The following TULP4 variants were observed in gnomAD, a reference collection of about 807,000 sequenced individuals.
TULP4 encodes TUB like protein 4, also known as tubby-related protein 4.
Under a neutral mutation model 129.0 loss-of-function variants are expected in TULP4, and 16 were observed. That is an observed-to-expected ratio of 0.12 (90% confidence interval 0.08 to 0.19). The LOEUF (loss-of-function observed/expected upper bound fraction) is 0.19, where lower values mean the gene tolerates loss of function less well. Ranked by LOEUF, TULP4 falls within the 10% of genes least tolerant of loss-of-function variation. The pLI is 1.00. For missense variants in TULP4, 1,842 were observed against 2,059.1 expected, an observed-to-expected ratio of 0.89 and a Z score of 2.04; for synonymous variants, 998 against 854.0, an observed-to-expected ratio of 1.17 and a Z score of -2.94.
intron 4 of TULP4, among the ~76,000 whole-genome samples, chr6:158,450,719 A>G (rs556474923): frequency 6.6e-6 from 1 of 151,270 alleles, no homozygotes; most frequent in South Asian, 2.1e-4. Flanking sequence ...TTAGTGGGTC[A>G]AATCTAGATT....
chr6:158,278,110 A>G (rs1772485564), upstream of TULP4, among the ~76,000 whole-genome samples: 1 of 152,348 alleles, frequency 6.6e-6, no homozygotes, highest in South Asian at 2.1e-4. Flanking sequence ...TAGGCACGGA[A>G]TAACTGGGCT....
intron 1 of TULP4, among the ~76,000 whole-genome samples, chr6:158,365,899 C>CTTTTTTTTTTTTTTTTTTTTTTTT (rs5881257): frequency 2.8e-4 from 16 of 57,556 alleles, no homozygotes; most frequent in Non-Finnish European, 3.2e-4. Flanking sequence ...CTTTTTCTTT[C>CTTTTTTTTTTTTTTTTTTTTTTTT]TTTTTTTTTT....
At chr6:158,381,836 G>A (rs942211082) in intron 1 of TULP4, among the ~76,000 whole-genome samples, 2 of 152,164 alleles carry the variant, frequency 1.3e-5, no homozygotes, top group Non-Finnish European at 2.9e-5. Context: ...TCAGGTAAAT[G>A]AATTTTCTCT....
intron 1 of TULP4, among the ~76,000 whole-genome samples, chr6:158,345,114 C>T (rs1754408): frequency 0.86 from 131,057 of 152,230 alleles, 56,849 homozygotes; most frequent in South Asian, 0.93. Flanking sequence ...GAGGAAACTG[C>T]AGAAGAAAAG....
intron 1 of TULP4, among the ~76,000 whole-genome samples, chr6:158,389,485 T>G (rs1427037047): frequency 1.3e-5 from 2 of 151,930 alleles, no homozygotes; most frequent in African/African-American, 4.8e-5. Context: ...AAACAAGAAT[T>G]CATAAAAGGC....
intron 5 of TULP4, among the ~76,000 whole-genome samples, chr6:158,457,232 C>T (rs908205441): frequency 6.6e-6 from 1 of 152,138 alleles, no homozygotes; most frequent in Non-Finnish European, 1.5e-5. Flanking sequence ...ACTTTGGCAG[C>T]GAAGGAAGGT....
chr6:158,243,086 C>T (rs571424614), intron 1 of TULP4, among the ~76,000 whole-genome samples: 1 of 152,166 alleles, frequency 6.6e-6, no homozygotes, highest in Non-Finnish European at 1.5e-5. Context: ...CGCACCCGGC[C>T]TATCATGGAA....
At chr6:158,237,505 C>T in intron 1 of TULP4, 2 of 1,553,838 alleles carry the variant, frequency 1.3e-6, no homozygotes, top group Non-Finnish European at 1.8e-6. Flanking sequence ...CACAGTTTTT[C>T]TGGCATCCAG....
In TULP4 at chr6:158,459,356, G is replaced by GCTT. The variant is rs1779366940; in HGVS notation, c.860-2207_860-2206insCTT. 1.5e-4 allele frequency among the ~76,000 whole-genome samples: 23 copies of GCTT among 152,108 alleles called. 1 individual carries two copies. Among genetic ancestry groups the GCTT allele is most frequent in the South Asian group, 1.0e-3 (5 of 4,818 alleles). On this transcript the variant is annotated intron_variant, in intron 5 of 13. Transcript: ENST00000367097. The stretch of plus-strand genomic sequence containing the variant: ...GAGGCAGGAGAATCGCTTGAACCCA[G>GCTT]GAGGCGGAGGTTGCAGTGAGCCGAG...
At chr6:158,333,336 A>G (rs1779956089) in intron 1 of TULP4, among the ~76,000 whole-genome samples, 1 of 152,192 alleles carries the variant, frequency 6.6e-6, no homozygotes, top group Non-Finnish European at 1.5e-5. Flanking sequence ...GCTTGCGCGA[A>G]GAAGAGGTCA....
At chr6:158,256,628 C>T (rs1488564744) in intron 1 of TULP4, among the ~76,000 whole-genome samples, 2 of 152,218 alleles carry the variant, frequency 1.3e-5, no homozygotes, top group Non-Finnish European at 2.9e-5. Flanking sequence ...GATCTGCTCT[C>T]ACTCTTATAC....
chr6:158,299,967 GTTCT>G (rs990970271), intron 1 of TULP4, among the ~76,000 whole-genome samples: 3 of 152,154 alleles, frequency 2.0e-5, no homozygotes, highest in African/African-American at 7.2e-5. Flanking sequence ...AGATTTTTAG[GTTCT>G]TAAGGAGAAA....
At chr6:158,443,531 G>A (rs1006922508) in intron 3 of TULP4, among the ~76,000 whole-genome samples, 2 of 152,114 alleles carry the variant, frequency 1.3e-5, no homozygotes, top group Admixed American at 6.5e-5. Context: ...TGAAAGATTT[G>A]GAGAAGAATA....
At chr6:158,275,510 G>A (rs769791281) in intron 1 of TULP4, among the ~76,000 whole-genome samples, 6 of 152,150 alleles carry the variant, frequency 3.9e-5, no homozygotes, top group Non-Finnish European at 8.8e-5. Context: ...AACAAGTCTA[G>A]CCGTCTGGAT....
intron 1 of TULP4, among the ~76,000 whole-genome samples, chr6:158,394,836 ATTTATG>A (rs1777669058): frequency 6.8e-6 from 1 of 147,580 alleles, no homozygotes; most frequent in South Asian, 2.2e-4. Context: ...AGGCAGGGTA[ATTTATG>A]AAGAAAAGAG....
At chr6:158,400,234 T>C (rs1777809539) in intron 1 of TULP4, among the ~76,000 whole-genome samples, 1 of 152,224 alleles carries the variant, frequency 6.6e-6, no homozygotes, top group Non-Finnish European at 1.5e-5. Flanking sequence ...ATTGGCATGA[T>C]TTATAGGCTT....
At chr6:158,501,508 T>C (rs958127357) in intron 12 of TULP4, among the ~76,000 whole-genome samples, 170 bp from the exon 13 acceptor site, 1 of 152,140 alleles carries the variant, frequency 6.6e-6, no homozygotes, top group African/African-American at 2.4e-5. Context: ...CAAGAACCCA[T>C]CTCCCTTGTG....
intron 5 of TULP4, among the ~76,000 whole-genome samples, chr6:158,460,613 A>C (rs930289389): frequency 1.3e-5 from 2 of 152,218 alleles, no homozygotes; most frequent in Non-Finnish European, 2.9e-5. Context: ...TCCAATGTGG[A>C]AATTATGCTG....
At chr6:158,311,000 A>T (rs946457920), upstream of TULP4, among the ~76,000 whole-genome samples, 2 of 151,782 alleles carry the variant, frequency 1.3e-5, no homozygotes, top group Non-Finnish European at 2.9e-5. Context: ...CTACTGGTGC[A>T]GTTGGTACCT....
Sources: allele counts gnomAD v4.1 joint callset (sites outside exome capture counted in the v4.1 genomes callset), GRCh38; gene constraint gnomAD v4.1.1; transcripts MANE v1.5; gene names NCBI Gene and HGNC (gene_info 2026-07-23, HGNC 2026-07-21).